The following ZNF169 variants were observed in gnomAD, a reference collection of about 807,000 sequenced individuals.
ZNF169 encodes zinc finger protein 169.
ZNF169 carries 11 observed loss-of-function variants against 12.0 expected under a neutral mutation model. The observed-to-expected ratio is 0.92, with a 90% CI of 0.58 to 1.52. The LOEUF (loss-of-function observed/expected upper bound fraction) is 1.52. Among genes scored for constraint, ZNF169 ranks in the 40% most tolerant of loss-of-function variants. The pLI is 0.00. For synonymous variants in ZNF169, 302 were observed against 286.5 expected (o/e 1.05, Z -0.55); for missense variants, 722 against 744.0 (o/e 0.97, Z 0.34).
At chr9:94,271,945 A>T (rs1830432287) in intron 1 of ZNF169, among the ~76,000 whole-genome samples, 1 of 151,960 alleles carries the variant, frequency 6.6e-6, no homozygotes. Flanking sequence ...ATTTGACAGA[A>T]TTTATCTGTG....
intron 1 of ZNF169, among the ~76,000 whole-genome samples, chr9:94,277,875 T>C (rs1830552869): frequency 6.8e-6 from 1 of 147,988 alleles, no homozygotes; most frequent in Non-Finnish European, 1.5e-5. Context: ...GAGCTTGCAG[T>C]GAGCCGAGAT....
At chr9:94,286,035 T>C (rs1220809091) in intron 2 of ZNF169, among the ~76,000 whole-genome samples, 1 of 152,084 alleles carries the variant, frequency 6.6e-6, no homozygotes, top group African/African-American at 2.4e-5. Context: ...TAGCTTACTG[T>C]GCCTAAAGTG....
At chr9:94,295,145 T>G (rs1437899567) in intron 4 of ZNF169, 5 of 152,148 alleles carry the variant, frequency 3.3e-5, no homozygotes, top group African/African-American at 1.2e-4. Context: ...CTGGCCAACA[T>G]GGCAAAATCC....
intron 4 of ZNF169, chr9:94,293,302 G>A: frequency 1.7e-6 from 1 of 592,464 alleles, no homozygotes; most frequent in Non-Finnish European, 3.0e-6. Context: ...TCCTCACTTG[G>A]CTTCCTTTCT....
chr9:94,267,120 G>C (rs762946953), intron 1 of ZNF169, among the ~76,000 whole-genome samples: 2 of 152,076 alleles, frequency 1.3e-5, no homozygotes, highest in Non-Finnish European at 2.9e-5. Context: ...TTGTTTCATA[G>C]AAGGAATCTG....
At position 94,274,034 on chromosome 9, in the gene ZNF169, G is replaced by A. The variant is rs140841503; in HGVS notation, c.-55-4724G>A. On this transcript the variant is annotated intron_variant, in intron 1 of 4. Coordinates refer to ENST00000395395, the MANE Select transcript of ZNF169 (RefSeq NM_194320.4). ...ATAGAAGTCCAAGATCAAGGTTTCGGCAGGGTTGGTTTCTTCTGAGGCCTT... is the reference window on the plus strand; with the variant it reads ...ATAGAAGTCCAAGATCAAGGTTTCGACAGGGTTGGTTTCTTCTGAGGCCTT... Among the ~76,000 whole-genome samples, 918 of 152,270 alleles carry A rather than the reference G, an allele frequency of 6.0e-3. 5 individuals are homozygous for A. The highest frequency in any genetic ancestry group is 0.01 in the Non-Finnish European group (699 of 68,028).
At chr9:94,260,203 C>G (rs569547463) in intron 1 of ZNF169, among the ~76,000 whole-genome samples, 26 of 152,342 alleles carry the variant, frequency 1.7e-4, no homozygotes, top group African/African-American at 6.3e-4. Flanking sequence ...CAGGCGCACG[C>G]CACCACGCCC....
rs1350514368 is a variant in ZNF169, at chr9:94,301,697, C to T, written c.*327C>T. 6.6e-6 allele frequency among the ~76,000 whole-genome samples: 1 copy of T among 152,160 alleles called. No individual in the cohort carries two copies. Among genetic ancestry groups the T allele is most frequent in the Non-Finnish European group, 1.5e-5 (1 of 68,030 alleles). Reference sequence around the variant, plus strand: ...TGGCTGCTTTCTGGCCACGTCCTCACGTGGGCTTTTTTCTGTGTGTATGCT... The same window carrying T: ...TGGCTGCTTTCTGGCCACGTCCTCATGTGGGCTTTTTTCTGTGTGTATGCT... On this transcript the variant is annotated 3_prime_UTR_variant, in exon 5 of 5. Coordinates refer to ENST00000395395, the MANE Select transcript of ZNF169 (RefSeq NM_194320.4).
At chr9:94,283,295 C>G (rs1475186387) in intron 2 of ZNF169, among the ~76,000 whole-genome samples, 1 of 152,134 alleles carries the variant, frequency 6.6e-6, no homozygotes, top group African/African-American at 2.4e-5. Flanking sequence ...GTAGTCCCAG[C>G]TACTCGGAAG....
chr9:94,275,112 C>T (rs1830497618), intron 1 of ZNF169, among the ~76,000 whole-genome samples: 1 of 152,168 alleles, frequency 6.6e-6, no homozygotes, highest in Non-Finnish European at 1.5e-5. Context: ...TGGCACACAT[C>T]TGTAGCCACA....
intron 2 of ZNF169, among the ~76,000 whole-genome samples, chr9:94,283,890 G>A (rs1246600775): frequency 1.3e-5 from 2 of 151,518 alleles, no homozygotes; most frequent in Non-Finnish European, 2.9e-5. Flanking sequence ...CCAATAGGCT[G>A]AAACCCCATC....
chr9:94,269,446 G>A (rs527936584), intron 1 of ZNF169, among the ~76,000 whole-genome samples: 5 of 152,236 alleles, frequency 3.3e-5, no homozygotes, highest in East Asian at 1.9e-4. Context: ...GCAGATTTGC[G>A]CATGCATGAA....
intron 2 of ZNF169, among the ~76,000 whole-genome samples, chr9:94,286,275 T>A (rs1254842248): frequency 6.6e-6 from 1 of 152,214 alleles, no homozygotes; most frequent in African/African-American, 2.4e-5. Context: ...GTGTCTGGTT[T>A]CCTCCAGACT....
chr9:94,263,544 A>G (rs1830241077), intron 1 of ZNF169, among the ~76,000 whole-genome samples: 1 of 146,736 alleles, frequency 6.8e-6, no homozygotes, highest in Non-Finnish European at 1.5e-5. Flanking sequence ...ATCTATTCTG[A>G]TAATCTGTGC....
intron 2 of ZNF169, among the ~76,000 whole-genome samples, chr9:94,292,034 C>T (rs3131908): frequency 0.86 from 131,381 of 152,252 alleles, 58,236 homozygotes; most frequent in East Asian, 0.99. Flanking sequence ...AATCAACTTT[C>T]AACATGAAGA....
At chr9:94,273,575 CTTTCTTTTTTTT>C (rs1830464628) in intron 1 of ZNF169, among the ~76,000 whole-genome samples, 1 of 109,964 alleles carries the variant, frequency 9.1e-6, no homozygotes, top group Non-Finnish European at 1.9e-5. Context: ...AACTTTCTTT[CTTTCTTTTTTTT>C]TTTTTTTTTG....
chr9:94,300,575 G>T lies in ZNF169; in HGVS notation c.1017G>T (p.Thr339=), dbSNP rs756732289. ...QKIALLLHQR[T]HLEEKPFVCP... ...TAGCCCTCCTTCTACACCAGAGGAC[G>T]CACTTGGAGGAGAAGCCCTTCGTGT... The change falls in exon 5 of 5, where the codon ACG becomes ACT. Residue 339 remains threonine (T), a synonymous_variant. Coordinates refer to ENST00000395395, the MANE Select transcript of ZNF169 (RefSeq NM_194320.4). 1.2e-6 allele frequency: 2 copies of T among 1,613,284 alleles called. No homozygotes were observed. Among genetic ancestry groups the T allele is most frequent in the Non-Finnish European group, 8.5e-7 (1 of 1,179,758 alleles).
At chr9:94,270,833 AT>A (rs1830395561) in intron 1 of ZNF169, among the ~76,000 whole-genome samples, 2 of 44,332 alleles carry the variant, frequency 4.5e-5, no homozygotes, top group Non-Finnish European at 7.9e-5. Context: ...TATATAAAAT[AT>A]ATATATTATA....
chr9:94,287,039 A>G (rs1048914175), intron 2 of ZNF169, among the ~76,000 whole-genome samples: 10 of 152,238 alleles, frequency 6.6e-5, no homozygotes, highest in Admixed American at 6.5e-4. Context: ...CCAAGGTTCC[A>G]TTCTCAGGAA....
Sources: gnomAD v4.1 joint callset for allele counts (sites outside exome capture counted in the v4.1 genomes callset) on GRCh38, gnomAD v4.1.1 for gene constraint, MANE v1.5 for transcripts, NCBI Gene and HGNC (gene_info 2026-07-23, HGNC 2026-07-21) for gene names.